Variants in FMN1 observed in about 807,000 individuals in gnomAD.
FMN1 encodes the protein formin-1.
FMN1 carries 110 observed loss-of-function variants against 132.4 expected under a neutral mutation model. That is an observed-to-expected ratio of 0.83 (90% confidence interval 0.71 to 0.97). FMN1 has a LOEUF of 0.97. Ranked by LOEUF, FMN1 falls within the 50% of genes least tolerant of loss-of-function variation. FMN1 has a pLI of 0.00. For synonymous variants in FMN1, 722 were observed against 651.7 expected (o/e 1.11, Z -1.64); for missense variants, 1,792 against 1,705.3 (o/e 1.05, Z -0.90).
At chr15:32,826,945 G>A (rs1221735171) in intron 17 of FMN1, among the ~76,000 whole-genome samples, 5 of 152,150 alleles carry the variant, frequency 3.3e-5, no homozygotes, top group African/African-American at 1.2e-4. Context: ...TACAACTGAT[G>A]CATTCATCTT....
chr15:33,127,107 GAACGAGA>G (rs1185532761), intron 4 of FMN1, among the ~76,000 whole-genome samples: 2 of 152,148 alleles, frequency 1.3e-5, no homozygotes, highest in Non-Finnish European at 2.9e-5. Context: ...GGGGAGTGAT[GAACGAGA>G]TAGCATCCTG....
intron 9 of FMN1, among the ~76,000 whole-genome samples, chr15:32,932,172 G>T (rs2061136659): frequency 6.6e-6 from 1 of 152,174 alleles, no homozygotes; most frequent in African/African-American, 2.4e-5. Flanking sequence ...GCCGAGGTAG[G>T]CGGATCACTT....
intron 7 of FMN1, among the ~76,000 whole-genome samples, chr15:32,987,773 A>G (rs748951513): frequency 1.3e-5 from 2 of 152,204 alleles, no homozygotes; most frequent in Non-Finnish European, 2.9e-5. Flanking sequence ...ATAAAAGCAT[A>G]GAATTAAATC....
At chr15:33,047,423 A>G (rs567220728) in intron 6 of FMN1, among the ~76,000 whole-genome samples, 3 of 152,322 alleles carry the variant, frequency 2.0e-5, no homozygotes, top group Non-Finnish European at 4.4e-5. Flanking sequence ...GTAATAAGAT[A>G]TTTAAAAAAA....
intron 4 of FMN1, among the ~76,000 whole-genome samples, chr15:33,098,923 C>T (rs948684527): frequency 6.6e-6 from 1 of 152,100 alleles, no homozygotes; most frequent in African/African-American, 2.4e-5. Flanking sequence ...TGCTTGTTTT[C>T]TGGGGCCCTT....
rs2056040152 is a variant in FMN1, at chr15:32,766,193, A to G, written c.*8117T>C. ...ACCAGGTTAAATGGCTATTTAGGAC[A>G]TGCTTGCACTTTTAAGTGCTTTCAA... On this transcript the variant is annotated 3_prime_UTR_variant, in exon 21 of 21. Coordinates refer to ENST00000616417, the MANE Select transcript of FMN1 (RefSeq NM_001277313.2). The G allele has an allele frequency of 6.6e-6, 1 of 152,236 alleles. No homozygotes were observed. Among genetic ancestry groups the G allele is most frequent in the Non-Finnish European group, 1.5e-5 (1 of 68,044 alleles). The allele number at this position is 152,236 out of a possible 1,614,324, so 9.4% of individuals were successfully genotyped here.
chr15:33,111,457 C>G (rs1035948083), intron 4 of FMN1, among the ~76,000 whole-genome samples: 1 of 152,110 alleles, frequency 6.6e-6, no homozygotes, highest in African/African-American at 2.4e-5. Context: ...TAGAATACAA[C>G]TCAGCAATTT....
chr15:32,834,516 C>T (rs2058578912), intron 17 of FMN1, among the ~76,000 whole-genome samples: 1 of 152,138 alleles, frequency 6.6e-6, no homozygotes, highest in Non-Finnish European at 1.5e-5. Flanking sequence ...AACAGGAGCT[C>T]AAGGGCTAAA....
chr15:33,036,474 C>T (rs1046730721), intron 6 of FMN1, among the ~76,000 whole-genome samples: 9 of 152,104 alleles, frequency 5.9e-5, no homozygotes, highest in Non-Finnish European at 2.9e-5. Context: ...CATTCAAGTA[C>T]TTAGAAATGT....
At chr15:33,099,397 A>C (rs375100547) in intron 4 of FMN1, among the ~76,000 whole-genome samples, 2 of 152,202 alleles carry the variant, frequency 1.3e-5, no homozygotes, top group African/African-American at 4.8e-5. Flanking sequence ...ACCTTCTAGC[A>C]CTTCTGTATG....
intron 6 of FMN1, among the ~76,000 whole-genome samples, chr15:33,013,637 G>A (rs1023104775): frequency 1.3e-5 from 2 of 152,206 alleles, no homozygotes; most frequent in Non-Finnish European, 1.5e-5. Flanking sequence ...GGTTACATTC[G>A]TTTCCTCAAA....
chr15:33,094,346 C>T (rs560133305), intron 4 of FMN1, among the ~76,000 whole-genome samples: 116 of 152,254 alleles, frequency 7.6e-4, no homozygotes, highest in African/African-American at 2.7e-3. Flanking sequence ...AAGTAATTTC[C>T]TGTTTTAAGT....
intron 7 of FMN1, among the ~76,000 whole-genome samples, chr15:33,006,604 G>A (rs972654412): frequency 5.3e-5 from 8 of 152,102 alleles, no homozygotes; most frequent in South Asian, 2.1e-4. Flanking sequence ...TGACTGCAGC[G>A]TTATTCACAA....
At chr15:32,889,056 T>C (rs1376581478) in intron 15 of FMN1, among the ~76,000 whole-genome samples, 3 of 152,148 alleles carry the variant, frequency 2.0e-5, no homozygotes, top group Non-Finnish European at 4.4e-5. Flanking sequence ...GGTCTCACCA[T>C]GTTGCCTAGG....
intron 17 of FMN1, among the ~76,000 whole-genome samples, chr15:32,852,490 C>G (rs189311518): frequency 6.6e-6 from 1 of 152,236 alleles, no homozygotes; most frequent in Non-Finnish European, 1.5e-5. Context: ...AGCAATCCTC[C>G]CACCTCAGCC....
chr15:32,887,215 GTTTAC>G (rs2141479874), intron 16 of FMN1, among the ~76,000 whole-genome samples: 1 of 152,130 alleles, frequency 6.6e-6, no homozygotes, highest in South Asian at 2.1e-4. Context: ...TTTTAAAAAT[GTTTAC>G]TTTATGTCTT....
At chr15:33,141,004 G>C (rs1963988175) in intron 4 of FMN1, among the ~76,000 whole-genome samples, 1 of 151,870 alleles carries the variant, frequency 6.6e-6, no homozygotes, top group Admixed American at 6.6e-5. Context: ...TTCCTCCTGG[G>C]TAGTTTGCCT....
intron 7 of FMN1, among the ~76,000 whole-genome samples, chr15:33,003,987 C>T (rs146057033): frequency 0.088 from 13,288 of 151,608 alleles, 728 homozygotes; most frequent in Admixed American, 0.13. Flanking sequence ...AACTGGCTAG[C>T]CATACGTACA....
chr15:33,126,538 T>C (rs1023924289), intron 4 of FMN1, among the ~76,000 whole-genome samples: 2 of 151,852 alleles, frequency 1.3e-5, no homozygotes, highest in Non-Finnish European at 2.9e-5. Flanking sequence ...CAAAACTCAC[T>C]GAAAAACTCC....
Sources: allele counts gnomAD v4.1 joint callset (sites outside exome capture counted in the v4.1 genomes callset), GRCh38; gene constraint gnomAD v4.1.1; transcripts MANE v1.5; gene names NCBI Gene and HGNC (gene_info 2026-07-23, HGNC 2026-07-21).